DOCK4: variants seen among roughly 807,000 people sequenced by gnomAD.
DOCK4 encodes dedicator of cytokinesis protein 4.
Under a neutral mutation model 268.1 loss-of-function variants are expected in DOCK4, and 97 were observed. The observed-to-expected ratio is 0.36, with a 90% CI of 0.31 to 0.43. DOCK4 has a LOEUF of 0.43. DOCK4 is among the 20% of genes least tolerant of loss of function. The probability of loss-of-function intolerance (pLI) is 1.00; values close to 1 mark genes in which losing one functional copy is unlikely to be tolerated. For synonymous variants in DOCK4, 954 were observed against 887.2 expected (o/e 1.08, Z -1.34); for missense variants, 2,145 against 2,455.7 (o/e 0.87, Z 2.67).
chr7:111,833,608 C>T (rs568724876), intron 26 of DOCK4, among the ~76,000 whole-genome samples: 1 of 151,944 alleles, frequency 6.6e-6, no homozygotes, highest in Non-Finnish European at 1.5e-5. Flanking sequence ...AAATGACTGA[C>T]TGCTGAGGGA....
chr7:112,128,852 A>G (rs2040045790), intron 1 of DOCK4, among the ~76,000 whole-genome samples: 1 of 151,952 alleles, frequency 6.6e-6, no homozygotes, highest in Admixed American at 6.6e-5. Flanking sequence ...CCTTCCCTCC[A>G]CTATTGTCCT....
intron 12 of DOCK4, among the ~76,000 whole-genome samples, chr7:111,933,302 T>A (rs190172414): frequency 0.052 from 6,520 of 124,360 alleles, 500 homozygotes; most frequent in Middle Eastern, 0.061. Context: ...ATATATATTT[T>A]TTTTTTTTTT....
intron 1 of DOCK4, among the ~76,000 whole-genome samples, chr7:112,011,550 A>T (rs1801309358): frequency 6.6e-6 from 1 of 152,118 alleles, no homozygotes; most frequent in Admixed American, 6.5e-5. Context: ...AACAGAAAAA[A>T]AAAGAGGCAA....
intron 46 of DOCK4, 88 bp from the exon 47 acceptor site, chr7:111,741,302 A>T (rs961687339): frequency 6.5e-7 from 1 of 1,533,330 alleles, no homozygotes; most frequent in Non-Finnish European, 8.9e-7. Context: ...CAAAGGGGGG[A>T]AAATACATTC....
chr7:111,740,961 G>A (rs1313080460), intron 47 of DOCK4, 133 bp downstream of exon 47: 5 of 1,008,850 alleles, frequency 5.0e-6, no homozygotes, highest in Non-Finnish European at 7.3e-6. Flanking sequence ...AGCAAGAAGA[G>A]TGTTTAAAGG....
chr7:111,850,462 AT>A (rs1379486845), intron 23 of DOCK4, among the ~76,000 whole-genome samples: 1 of 152,002 alleles, frequency 6.6e-6, no homozygotes, highest in Non-Finnish European at 1.5e-5. Context: ...ACCTATCACC[AT>A]GACCCTCACC....
intron 26 of DOCK4, among the ~76,000 whole-genome samples, chr7:111,831,842 C>T (rs986118539): frequency 1.3e-5 from 2 of 152,132 alleles, no homozygotes; most frequent in Non-Finnish European, 2.9e-5. Context: ...CAAATGAGAT[C>T]TTATCTCTCC....
chr7:112,020,089 T>A (rs1802184286), intron 1 of DOCK4, among the ~76,000 whole-genome samples: 1 of 152,222 alleles, frequency 6.6e-6, no homozygotes, highest in Non-Finnish European at 1.5e-5. Flanking sequence ...ACTGAGTGTT[T>A]CTCAATCACC....
At chr7:111,917,164 T>C (rs867101805) in intron 12 of DOCK4, among the ~76,000 whole-genome samples, 2 of 151,700 alleles carry the variant, frequency 1.3e-5, no homozygotes, top group Admixed American at 6.6e-5. Context: ...ATTTTTGTGT[T>C]TTTCGTAGAG....
intron 1 of DOCK4, among the ~76,000 whole-genome samples, chr7:112,148,868 G>T (rs1012708164): frequency 3.9e-5 from 6 of 152,066 alleles, no homozygotes; most frequent in Admixed American, 2.6e-4. Context: ...AGTGAGAAGG[G>T]AACACACAAA....
At chr7:112,162,609 C>G (rs1817236300) in intron 1 of DOCK4, among the ~76,000 whole-genome samples, 1 of 151,656 alleles carries the variant, frequency 6.6e-6, no homozygotes, top group Non-Finnish European at 1.5e-5. Flanking sequence ...ACCATGTAAA[C>G]TTGGAGCAAA....
chr7:111,980,128 T>C (rs1798500944), intron 7 of DOCK4, among the ~76,000 whole-genome samples: 1 of 152,202 alleles, frequency 6.6e-6, no homozygotes, highest in African/African-American at 2.4e-5. Flanking sequence ...CTTTTGTTCT[T>C]TGAATACATG....
intron 1 of DOCK4, among the ~76,000 whole-genome samples, chr7:112,058,273 T>G (rs1806032094): frequency 6.6e-6 from 1 of 152,142 alleles, no homozygotes; most frequent in South Asian, 2.1e-4. Context: ...TATTTGTTTT[T>G]AATAAATCAT....
At chr7:111,784,396 T>G (rs1451225445) in intron 32 of DOCK4, 1 of 634,284 alleles carries the variant, frequency 1.6e-6, no homozygotes, top group Non-Finnish European at 2.9e-6. Context: ...CTCAGTGGAA[T>G]GCATCTTCAT....
At chr7:112,130,832 C>T (rs1453555870) in intron 1 of DOCK4, among the ~76,000 whole-genome samples, 1 of 152,186 alleles carries the variant, frequency 6.6e-6, no homozygotes, top group Admixed American at 6.5e-5. Context: ...TTCACTGTGG[C>T]AGTAAAATAT....
At chr7:111,769,783 A>C in intron 36 of DOCK4, 106 bp from the exon 37 acceptor site, 2 of 1,357,374 alleles carry the variant, frequency 1.5e-6, no homozygotes, top group Non-Finnish European at 2.0e-6. Context: ...CTATTTTCTA[A>C]ATTTCGTGAT....
rs756307668 is a variant in DOCK4, at chr7:111,790,527, C to T, written c.3245G>A (p.Arg1082Gln). The T allele has an allele frequency of 1.9e-6, 3 of 1,613,686 alleles. No individual in the cohort carries two copies. The highest frequency in any genetic ancestry group is 1.3e-5 in the African/African-American group (1 of 74,874). The stretch of plus-strand genomic sequence containing the variant: ...ATGAAAAATTGGAATCATGACATTC[C>T]GAAGATCTGGCTGGGGTATCAAGGT... Reference protein sequence around the residue: ...EVTLIPQPDLRNVMIPIFHDM... With the variant: ...EVTLIPQPDLQNVMIPIFHDM... Residue 1082 changes from arginine (R) to glutamine (Q), a missense_variant, in exon 31 of 53, where the codon CGG becomes CAG. Transcript: ENST00000428084.
chr7:112,111,633 C>T (rs139703748), intron 1 of DOCK4, among the ~76,000 whole-genome samples: 3 of 152,114 alleles, frequency 2.0e-5, no homozygotes, highest in African/African-American at 7.2e-5. Flanking sequence ...CACTCCCTAA[C>T]CTTCAGTTCC....
intron 46 of DOCK4, 42 bp downstream of exon 46, chr7:111,741,498 C>T (rs570156858): frequency 2.5e-5 from 40 of 1,601,814 alleles, no homozygotes; most frequent in African/African-American, 1.6e-4. Flanking sequence ...GATCAGCTTG[C>T]GGGTGAGGCC....
Sources: gnomAD v4.1 joint callset for allele counts (sites outside exome capture counted in the v4.1 genomes callset) on GRCh38, gnomAD v4.1.1 for gene constraint, MANE v1.5 for transcripts, NCBI Gene and HGNC (gene_info 2026-07-23, HGNC 2026-07-21) for gene names.